Variants in SPATA16 observed in about 807,000 individuals in gnomAD.
SPATA16 encodes spermatogenesis-associated protein 16.
In SPATA16, 36 loss-of-function variants were observed where a neutral mutation model predicts 63.3. That is an observed-to-expected ratio of 0.57 (90% confidence interval 0.44 to 0.75). The LOEUF is 0.75. Ranked by LOEUF, SPATA16 falls within the 30% of genes least tolerant of loss-of-function variation. The probability of loss-of-function intolerance (pLI) is 0.00; values close to 1 mark genes in which losing one functional copy is unlikely to be tolerated. For synonymous variants in SPATA16, 203 were observed against 216.7 expected (o/e 0.94, Z 0.56); for missense variants, 646 against 679.3 (o/e 0.95, Z 0.54).
intron 3 of SPATA16, among the ~76,000 whole-genome samples, chr3:173,039,640 AG>A (rs1735793100): frequency 1.3e-5 from 2 of 152,098 alleles, no homozygotes. Flanking sequence ...GGATAAGATG[AG>A]GTTAAATTTT....
At chr3:173,096,361 CTTG>C (rs1737350167) in intron 2 of SPATA16, among the ~76,000 whole-genome samples, 1 of 151,980 alleles carries the variant, frequency 6.6e-6, no homozygotes, top group African/African-American at 2.4e-5. Context: ...ACTTTTTGAA[CTTG>C]TTTTGAACTT....
In SPATA16 at chr3:172,925,433, G is replaced by T. The variant is rs767349021; in HGVS notation, c.1141C>A (p.Gln381Lys). 4 of 1,614,014 alleles carry T rather than the reference G, an allele frequency of 2.5e-6. No homozygotes were observed. The highest frequency in any genetic ancestry group is 3.4e-6 in the Non-Finnish European group (4 of 1,179,956). Residue 381 changes from glutamine to lysine, a missense_variant, in exon 7 of 11, where the codon CAA (glutamine) becomes AAA (lysine). Transcript: ENST00000351008. ...TVDWSSFPPQ[Q>K]YLLTLGFKNK... is the part of the protein sequence containing the mutation. The stretch of plus-strand genomic sequence containing the variant: ...TTGAACCCAAGAGTCAAGAGATATT[G>T]TTGGGGAGGAAAAGATGACCAGTCA...
intron 5 of SPATA16, among the ~76,000 whole-genome samples, chr3:172,958,194 T>C: frequency 6.6e-6 from 1 of 152,044 alleles, no homozygotes; most frequent in East Asian, 1.9e-4. Context: ...ATGGAGTGCA[T>C]GGCAAATAAA....
rs569714561 is a variant in SPATA16, at chr3:173,054,214, A to G, written c.613-5120T>C. On this transcript the variant is annotated intron_variant, in intron 2 of 10. Transcript: ENST00000351008. ...CAACACAATCAACCAACAGGATGTA[A>G]CTGACATACATACATAAATACTTTA... 1.5e-3 allele frequency among the ~76,000 whole-genome samples: 225 copies of G among 152,310 alleles called. 1 individual carries two copies. Among genetic ancestry groups the G allele is most frequent in the Non-Finnish European group, 1.8e-3 (124 of 68,026 alleles).
rs142540481 is a variant in SPATA16 at position 173,063,544 on chromosome 3, C to T, written c.613-14450G>A. 2.1e-4 allele frequency among the ~76,000 whole-genome samples: 32 copies of T among 152,254 alleles called. 2 individuals are homozygous for T. The South Asian group carries it at 5.6e-3, about 27-fold the overall frequency. ...CAGCCAACGTCTATCATGCCAGAAC[C>T]GCCAGCTCACTAGGCAGGGGAGTTT... is the stretch of plus-strand genomic sequence containing the variant. On this transcript the variant is annotated intron_variant, in intron 2 of 10. Transcript: ENST00000351008.
At chr3:172,980,751 C>T (rs1415975527) in intron 4 of SPATA16, among the ~76,000 whole-genome samples, 1 of 152,182 alleles carries the variant, frequency 6.6e-6, no homozygotes, top group Non-Finnish European at 1.5e-5. Flanking sequence ...TACACAAATG[C>T]TGTTGTTTCT....
chr3:172,943,426 A>C (rs1474670707), intron 6 of SPATA16, among the ~76,000 whole-genome samples: 1 of 152,224 alleles, frequency 6.6e-6, no homozygotes, highest in Non-Finnish European at 1.5e-5. Flanking sequence ...TGAACAAACC[A>C]AAAAGAAAGA....
At chr3:173,098,422 G>C (rs1230739441) in intron 2 of SPATA16, among the ~76,000 whole-genome samples, 2 of 152,088 alleles carry the variant, frequency 1.3e-5, no homozygotes, top group African/African-American at 4.8e-5. Context: ...ACTATTACTG[G>C]TGCAATAACA....
At chr3:173,130,079 T>C (rs561585656) in intron 1 of SPATA16, among the ~76,000 whole-genome samples, 12 of 152,154 alleles carry the variant, frequency 7.9e-5, no homozygotes, top group African/African-American at 2.9e-4. Context: ...AATCCTATAA[T>C]CGCCCGGGCG....
At chr3:172,910,358 C>T (rs1732343128) in intron 10 of SPATA16, among the ~76,000 whole-genome samples, 1 of 152,138 alleles carries the variant, frequency 6.6e-6, no homozygotes, top group South Asian at 2.1e-4. Flanking sequence ...TTCCAAAGTG[C>T]TGGGGTTACA....
chr3:173,034,918 T>G (rs1267861653), intron 3 of SPATA16, among the ~76,000 whole-genome samples: 1 of 152,182 alleles, frequency 6.6e-6, no homozygotes, highest in African/African-American at 2.4e-5. Flanking sequence ...ACTCCTTTCT[T>G]GATTGACACC....
At chr3:173,114,878 C>G (rs771599289) in intron 2 of SPATA16, among the ~76,000 whole-genome samples, 2 of 152,192 alleles carry the variant, frequency 1.3e-5, no homozygotes, top group African/African-American at 2.4e-5. Flanking sequence ...GGCTACAAAT[C>G]TTTTCTATTC....
chr3:172,983,328 CTTT>C (rs59406777), intron 4 of SPATA16, among the ~76,000 whole-genome samples: 1 of 142,478 alleles, frequency 7.0e-6, no homozygotes. Flanking sequence ...AGTGACCTCT[CTTT>C]TTTTTTTTTT....
chr3:173,125,233 C>T (rs566512970), intron 1 of SPATA16, among the ~76,000 whole-genome samples: 18 of 152,044 alleles, frequency 1.2e-4, no homozygotes, highest in Non-Finnish European at 2.1e-4. Context: ...TCCTACCATC[C>T]GTCATTTGGT....
Position 172,986,369 on chromosome 3 carries a change from G to A in SPATA16, c.849-9317C>T, listed in dbSNP as rs1445542794. Among the ~76,000 whole-genome samples, 3 of 152,092 alleles carry A rather than the reference G, an allele frequency of 2.0e-5. No individual in the cohort carries two copies. In the South Asian group the frequency reaches 6.2e-4, roughly 32 times the overall value. Reference sequence around the variant, plus strand: ...GAGTTTCTCTGTTCCACAAAGATGAGGATACTAAGACGAGTCAGCCATTCC... The same window carrying A: ...GAGTTTCTCTGTTCCACAAAGATGAAGATACTAAGACGAGTCAGCCATTCC... On this transcript the variant is annotated intron_variant, in intron 4 of 10. Coordinates refer to ENST00000351008, the MANE Select transcript of SPATA16 (RefSeq NM_031955.6).
At chr3:173,099,419 A>G (rs1054632475) in intron 2 of SPATA16, among the ~76,000 whole-genome samples, 1 of 152,220 alleles carries the variant, frequency 6.6e-6, no homozygotes, top group Admixed American at 6.5e-5. Flanking sequence ...ATGTATAAGA[A>G]AAAACATAGT....
intron 5 of SPATA16, among the ~76,000 whole-genome samples, chr3:172,975,750 T>C (rs879380004): frequency 1.4e-4 from 22 of 152,138 alleles, no homozygotes; most frequent in Non-Finnish European, 3.1e-4. Context: ...TGAAGTATAA[T>C]GTGACTAATT....
chr3:172,912,938 T>G (rs1317936112), intron 10 of SPATA16, among the ~76,000 whole-genome samples: 1 of 152,104 alleles, frequency 6.6e-6, no homozygotes, highest in Non-Finnish European at 1.5e-5. Flanking sequence ...TCCCTTAGGG[T>G]TGGCTTTTAA....
At chr3:172,896,935 A>T (rs1036292691) in intron 10 of SPATA16, among the ~76,000 whole-genome samples, 4 of 151,922 alleles carry the variant, frequency 2.6e-5, no homozygotes, top group African/African-American at 9.7e-5. Flanking sequence ...TTCCACAGGT[A>T]AAGTTTTTAA....
Sources: allele counts gnomAD v4.1 joint callset (sites outside exome capture counted in the v4.1 genomes callset), GRCh38; gene constraint gnomAD v4.1.1; transcripts MANE v1.5; gene names NCBI Gene and HGNC (gene_info 2026-07-23, HGNC 2026-07-21).